SGSM1: variants seen among roughly 807,000 people sequenced by gnomAD.
The protein encoded by SGSM1 is small G protein signaling modulator 1.
SGSM1 carries 73 observed loss-of-function variants against 133.8 expected under a neutral mutation model. The observed-to-expected ratio is 0.55, with a 90% confidence interval of 0.45 to 0.66. SGSM1 has a LOEUF of 0.66. Among genes scored for constraint, SGSM1 ranks in the 30% least tolerant of loss-of-function variants. The pLI is 0.00. For missense variants in SGSM1, 1,213 were observed against 1,448.1 expected, an observed-to-expected ratio of 0.84 and a Z score of 2.64; for synonymous variants, 563 against 573.0, an observed-to-expected ratio of 0.98 and a Z score of 0.25.
At chr22:24,905,230 T>G in intron 21 of SGSM1, 43 bp downstream of exon 21, 1 of 1,565,974 alleles carries the variant, frequency 6.4e-7, no homozygotes, top group African/African-American at 1.4e-5. Flanking sequence ...GTGCATTTCC[T>G]TTCCACTGCA....
chr22:24,868,643 C>T (rs1372262521), intron 11 of SGSM1, 80 bp from the exon 12 acceptor site: 10 of 1,609,206 alleles, frequency 6.2e-6, no homozygotes, highest in East Asian at 2.2e-5. Context: ...CTCATGCGCT[C>T]TCCACTGATA....
intron 2 of SGSM1, among the ~76,000 whole-genome samples, chr22:24,811,710 C>T (rs1425125211): frequency 1.3e-5 from 2 of 151,336 alleles, no homozygotes; most frequent in Non-Finnish European, 2.9e-5. Context: ...CTACAGAAAA[C>T]AAAATAAAAA....
intron 2 of SGSM1, among the ~76,000 whole-genome samples, chr22:24,839,704 G>A (rs1929674005): frequency 6.6e-6 from 1 of 152,052 alleles, no homozygotes; most frequent in African/African-American, 2.4e-5. Flanking sequence ...TCATGATTTA[G>A]TTTGTATATT....
chr22:24,831,086 A>T (rs959674062), intron 2 of SGSM1, among the ~76,000 whole-genome samples: 2 of 152,020 alleles, frequency 1.3e-5, no homozygotes, highest in Admixed American at 6.5e-5. Context: ...GACTTGGCCC[A>T]GACGGGTTCA....
intron 5 of SGSM1, among the ~76,000 whole-genome samples, chr22:24,854,262 A>G (rs1930647842): frequency 6.6e-6 from 1 of 152,210 alleles, no homozygotes; most frequent in Non-Finnish European, 1.5e-5. Context: ...CCTGTTACAC[A>G]GCCTTTCAGT....
intron 14 of SGSM1, among the ~76,000 whole-genome samples, chr22:24,880,844 C>G (rs767239096): frequency 6.6e-6 from 1 of 152,108 alleles, no homozygotes; most frequent in Non-Finnish European, 1.5e-5. Flanking sequence ...CCCAGCGATG[C>G]GACTTGGGCA....
At chr22:24,910,983 G>A (rs1056702878) in intron 21 of SGSM1, among the ~76,000 whole-genome samples, 7 of 152,006 alleles carry the variant, frequency 4.6e-5, no homozygotes, top group African/African-American at 1.7e-4. Flanking sequence ...GGCAAGGCGT[G>A]GTGGCTCAGC....
chr22:24,892,382 A>G (rs1246606063), intron 16 of SGSM1, among the ~76,000 whole-genome samples: 3 of 152,150 alleles, frequency 2.0e-5, no homozygotes, highest in Non-Finnish European at 4.4e-5. Flanking sequence ...TGGCAGACGC[A>G]GAGCCTGTTA....
chr22:24,812,381 C>T (rs1195271434), intron 2 of SGSM1, among the ~76,000 whole-genome samples: 2 of 152,080 alleles, frequency 1.3e-5, no homozygotes, highest in African/African-American at 2.4e-5. Context: ...TTATGCAGCT[C>T]GCTTTAAGGT....
intron 22 of SGSM1, among the ~76,000 whole-genome samples, chr22:24,915,710 T>C (rs1445266641): frequency 1.3e-5 from 2 of 152,226 alleles, no homozygotes; most frequent in Non-Finnish European, 2.9e-5. Context: ...AATCCAATTA[T>C]ACACTTTTAG....
At chr22:24,912,812 G>A in intron 22 of SGSM1, 60 bp downstream of exon 22, 1 of 1,239,176 alleles carries the variant, frequency 8.1e-7, no homozygotes, top group Non-Finnish European at 1.2e-6. Context: ...GTAAAGCTTA[G>A]TGGCTCCAGA....
chr22:24,880,445 A>G (rs1182211251), intron 14 of SGSM1, among the ~76,000 whole-genome samples: 1 of 151,974 alleles, frequency 6.6e-6, no homozygotes, highest in Non-Finnish European at 1.5e-5. Flanking sequence ...TGCCACCTTG[A>G]TTTTTCAGTT....
At chr22:24,890,621 AC>A (rs1398365895) in intron 16 of SGSM1, among the ~76,000 whole-genome samples, 2 of 151,652 alleles carry the variant, frequency 1.3e-5, no homozygotes, top group Non-Finnish European at 2.9e-5. Context: ...GCTCACTGCA[AC>A]CTCCACCTCC....
intron 12 of SGSM1, among the ~76,000 whole-genome samples, chr22:24,872,991 C>T (rs1931843208): frequency 6.6e-6 from 1 of 151,010 alleles, no homozygotes; most frequent in Non-Finnish European, 1.5e-5. Context: ...CAGGGTCTCG[C>T]TCTGTTGCCC....
chr22:24,814,736 C>T (rs1243328377), intron 2 of SGSM1, among the ~76,000 whole-genome samples: 1 of 152,228 alleles, frequency 6.6e-6, no homozygotes, highest in Admixed American at 6.5e-5. Flanking sequence ...GCCCTCAGCA[C>T]AGGATCTTGC....
chr22:24,873,334 G>T (rs1157008563), intron 12 of SGSM1, among the ~76,000 whole-genome samples: 1 of 151,998 alleles, frequency 6.6e-6, no homozygotes, highest in Non-Finnish European at 1.5e-5. Context: ...TGACATTTAG[G>T]GCTGAATAAT....
chr22:24,892,408 T>C (rs1932830127), intron 16 of SGSM1, among the ~76,000 whole-genome samples: 1 of 152,156 alleles, frequency 6.6e-6, no homozygotes, highest in Admixed American at 6.5e-5. Context: ...GCTGTGTTAC[T>C]CAGGGACAAT....
intron 19 of SGSM1, among the ~76,000 whole-genome samples, chr22:24,899,047 A>C (rs868412263): frequency 2.2e-5 from 3 of 136,724 alleles, no homozygotes; most frequent in African/African-American, 5.5e-5. Flanking sequence ...AAAAAAAAAA[A>C]CGTGTACAGT....
intron 2 of SGSM1, among the ~76,000 whole-genome samples, chr22:24,814,630 G>A (rs753339307): frequency 2.0e-5 from 3 of 152,114 alleles, no homozygotes; most frequent in Non-Finnish European, 4.4e-5. Flanking sequence ...GGAGGGGTCA[G>A]GCACACCGCG....
Sources: gnomAD v4.1 joint callset for allele counts (sites outside exome capture counted in the v4.1 genomes callset) on GRCh38, gnomAD v4.1.1 for gene constraint, MANE v1.5 for transcripts, NCBI Gene and HGNC (gene_info 2026-07-23, HGNC 2026-07-21) for gene names.